SEC24D: variants seen among roughly 807,000 people sequenced by gnomAD.
SEC24D encodes the protein protein transport protein Sec24D.
Under a neutral mutation model 116.9 loss-of-function variants are expected in SEC24D, and 69 were observed. The observed-to-expected ratio is 0.59, with a 90% CI of 0.49 to 0.72. The LOEUF (loss-of-function observed/expected upper bound fraction) is 0.72, where lower values mean the gene tolerates loss of function less well. SEC24D is among the 30% of genes least tolerant of loss of function. The probability of loss-of-function intolerance (pLI) is 0.00; values close to 1 mark genes in which losing one functional copy is unlikely to be tolerated. For missense variants in SEC24D, 1,131 were observed against 1,264.1 expected, an observed-to-expected ratio of 0.89 and a Z score of 1.60; for synonymous variants, 405 against 442.8, an observed-to-expected ratio of 0.91 and a Z score of 1.07.
At chr4:118,741,398 C>A (rs767060154) in intron 15 of SEC24D, among the ~76,000 whole-genome samples, 6 of 152,026 alleles carry the variant, frequency 3.9e-5, no homozygotes, top group Non-Finnish European at 7.4e-5. Context: ...TAGGGAAAGA[C>A]CTTGCAATTG....
chr4:118,801,219 G>A (rs887598241), intron 7 of SEC24D, among the ~76,000 whole-genome samples: 8 of 150,012 alleles, frequency 5.3e-5, no homozygotes, highest in African/African-American at 1.2e-4. Flanking sequence ...CTGAGATCGC[G>A]CCACTGTACT....
intron 2 of SEC24D, among the ~76,000 whole-genome samples, chr4:118,831,001 G>A (rs115986613): frequency 0.044 from 6,656 of 152,186 alleles, 203 homozygotes; most frequent in Non-Finnish European, 0.064. Flanking sequence ...TTACATTGGA[G>A]GAGATAAAAA....
chr4:118,795,435 C>T (rs1384846697), intron 8 of SEC24D, among the ~76,000 whole-genome samples: 1 of 152,032 alleles, frequency 6.6e-6, no homozygotes, highest in Non-Finnish European at 1.5e-5. Flanking sequence ...TCTCAAACTC[C>T]TGACCTCTGG....
intron 22 of SEC24D, among the ~76,000 whole-genome samples, chr4:118,724,485 A>G (rs1725307236): frequency 6.6e-6 from 1 of 152,222 alleles, no homozygotes; most frequent in African/African-American, 2.4e-5. Context: ...GAAAAATAAA[A>G]TATAAAAATA....
chr4:118,813,475 T>G (rs765498585), intron 6 of SEC24D, among the ~76,000 whole-genome samples: 1 of 152,182 alleles, frequency 6.6e-6, no homozygotes, highest in Admixed American at 6.5e-5. Flanking sequence ...CTCTGCAGAA[T>G]CCCAAAGCGG....
chr4:118,805,697 A>G (rs1729646407), intron 7 of SEC24D, 146 bp downstream of exon 7: 3 of 537,454 alleles, frequency 5.6e-6, no homozygotes, highest in East Asian at 3.4e-5. Flanking sequence ...TCCTCTTGGT[A>G]CTTGAGGGAT....
chr4:118,781,981 C>T (rs915380423), intron 8 of SEC24D, among the ~76,000 whole-genome samples: 10 of 152,086 alleles, frequency 6.6e-5, no homozygotes, highest in Non-Finnish European at 1.2e-4. Context: ...GTTAGCCATT[C>T]GTCTAATGTT....
chr4:118,745,191 A>G, intron 13 of SEC24D, 131 bp from the exon 14 acceptor site: 1 of 605,334 alleles, frequency 1.7e-6, no homozygotes, highest in South Asian at 2.1e-5. Context: ...AATCCTCATA[A>G]TAACCTTTGT....
Position 118,752,007 on chromosome 4 carries a change from C to T in SEC24D, c.1696G>A (p.Glu566Lys). 3 of 1,610,976 alleles carry T rather than the reference C, an allele frequency of 1.9e-6. No homozygotes were observed. Among genetic ancestry groups the T allele is most frequent in the Non-Finnish European group, 2.5e-6 (3 of 1,177,568 alleles). The change falls in exon 13 of 23, where the codon GAA becomes AAA. Residue 566 changes from glutamate (E) to lysine (K), a missense_variant. Transcript: ENST00000280551. ...VFAPVIQAGM[E>K]ALKAADCPGK... ...TGGCTTCTTCTCACCTTTAGTGCTT[C>T]CATGCCAGCCTGGATGACAGGAGCA...
intron 8 of SEC24D, among the ~76,000 whole-genome samples, chr4:118,778,794 G>C (rs900518806): frequency 1.2e-4 from 19 of 152,210 alleles, no homozygotes; most frequent in African/African-American, 3.6e-4. Flanking sequence ...GTGGTTTGTA[G>C]TTCTCCTTGA....
At chr4:118,776,664 A>T (rs543437942) in intron 8 of SEC24D, among the ~76,000 whole-genome samples, 1 of 152,160 alleles carries the variant, frequency 6.6e-6, no homozygotes, top group Non-Finnish European at 1.5e-5. Context: ...TTTGAGTAAG[A>T]TATTATCTCT....
intron 8 of SEC24D, among the ~76,000 whole-genome samples, chr4:118,790,121 C>T (rs1728832882): frequency 6.6e-6 from 1 of 152,118 alleles, no homozygotes; most frequent in Admixed American, 6.6e-5. Flanking sequence ...GTTCCTAGCA[C>T]AGAGTAAGGA....
intron 8 of SEC24D, among the ~76,000 whole-genome samples, chr4:118,786,456 C>T (rs1313701610): frequency 1.3e-5 from 2 of 152,190 alleles, no homozygotes; most frequent in Non-Finnish European, 2.9e-5. Context: ...CAGCTGCACA[C>T]ACTGTAGACC....
rs748483547 is a variant in SEC24D at position 118,815,644 on chromosome 4, C to T, written c.480G>A (p.Gln160=). ...TSLQTPPRPP[Q]PSILQPGSQV... is the part of the protein sequence containing the mutation. ...GAGATCCAGGCTGCAAAATGGAAGG[C>T]TGTGGAGGTCGTGGAGGAGTCTGCA... is the stretch of plus-strand genomic sequence containing the variant. The change falls in exon 5 of 23, where the codon CAG becomes CAA. Residue 160 remains glutamine (Q), a synonymous_variant. Coordinates refer to ENST00000280551, the MANE Select transcript of SEC24D (RefSeq NM_014822.4). 2.5e-6 allele frequency: 4 copies of T among 1,614,042 alleles called. No homozygotes were observed. In the African/African-American group the frequency reaches 4.0e-5, roughly 16 times the overall value.
Position 118,752,603 on chromosome 4 carries a change from A to C in SEC24D, c.1613+94T>G, listed in dbSNP as rs1726895136. The C allele has an allele frequency of 6.1e-6, 5 of 824,990 alleles. No homozygotes were observed. The Admixed American group carries it at 1.3e-4, about 22-fold the overall frequency. The allele number at this position is 824,990 out of a possible 1,614,324, so 51.1% of individuals were successfully genotyped here. A position where few individuals can be genotyped will look rare whatever the true frequency, so the allele number is the denominator to read the frequency against. On this transcript the variant is annotated intron_variant, in intron 12 of 22. Coordinates refer to ENST00000280551, the MANE Select transcript of SEC24D (RefSeq NM_014822.4). ...ATCTGTGTCTTGAAACCCCCTTGCT[A>C]ATGATAAAACAATGTATGATTGAAT...
chr4:118,780,906 GCTTTTT>G (rs1728370490), intron 8 of SEC24D, among the ~76,000 whole-genome samples: 2 of 106,080 alleles, frequency 1.9e-5, no homozygotes, highest in African/African-American at 3.4e-5. Flanking sequence ...TGCAACCCCT[GCTTTTT>G]TTTTTTTTTT....
intron 8 of SEC24D, among the ~76,000 whole-genome samples, chr4:118,792,591 C>T (rs937623762): frequency 5.9e-5 from 9 of 152,158 alleles, no homozygotes; most frequent in African/African-American, 2.2e-4. Context: ...ATAACCTTAT[C>T]CCCAACCCCG....
chr4:118,810,640 C>T (rs150903764), intron 6 of SEC24D, among the ~76,000 whole-genome samples: 1 of 152,170 alleles, frequency 6.6e-6, no homozygotes, highest in Non-Finnish European at 1.5e-5. Context: ...AGGGCCTTAG[C>T]CTTAGAGATT....
At chr4:118,761,067 C>T (rs2110466654) in intron 10 of SEC24D, among the ~76,000 whole-genome samples, 1 of 152,160 alleles carries the variant, frequency 6.6e-6, no homozygotes, top group South Asian at 2.1e-4. Context: ...CCCTCATTTT[C>T]TCATAGTTGG....
Sources: gnomAD v4.1 joint callset for allele counts (sites outside exome capture counted in the v4.1 genomes callset) on GRCh38, gnomAD v4.1.1 for gene constraint, MANE v1.5 for transcripts, NCBI Gene and HGNC (gene_info 2026-07-23, HGNC 2026-07-21) for gene names.